The following SDAD1 variants were observed in gnomAD, a reference collection of about 807,000 sequenced individuals.
SDAD1 encodes the protein SDA1 domain containing 1.
In SDAD1, 79 loss-of-function variants were observed where a neutral mutation model predicts 100.3. The observed-to-expected ratio is 0.79, with a 90% CI of 0.66 to 0.95. SDAD1 has a LOEUF of 0.95. Ranked by LOEUF, SDAD1 falls within the 40% of genes least tolerant of loss-of-function variation. The pLI, the probability that SDAD1 is intolerant of heterozygous loss-of-function variation, is 0.00. For synonymous variants in SDAD1, 267 were observed against 271.4 expected, an observed-to-expected ratio of 0.98 and a Z score of 0.16; for missense variants, 790 against 810.9, an observed-to-expected ratio of 0.97 and a Z score of 0.31.
In SDAD1 at chr4:75,986,556, G is replaced by C. The variant is rs574329693; in HGVS notation, c.90+4196C>G. On this transcript the variant is annotated intron_variant, in intron 1 of 21. Coordinates refer to ENST00000356260, the MANE Select transcript of SDAD1 (RefSeq NM_018115.4). Reference sequence around the variant, plus strand: ...AAAAGCTATCAGGCCACCATCTAAGGCTAGCCCCTCCAGTTATGCATTAGA... The same window carrying C: ...AAAAGCTATCAGGCCACCATCTAAGCCTAGCCCCTCCAGTTATGCATTAGA... Among the ~76,000 whole-genome samples the C allele has an allele frequency of 2.6e-5, 4 of 152,090 alleles. No individual in the cohort carries two copies. The South Asian group carries it at 8.3e-4, about 32-fold the overall frequency.
At chr4:75,978,408 G>A (rs1044400539) in intron 3 of SDAD1, among the ~76,000 whole-genome samples, 1 of 149,712 alleles carries the variant, frequency 6.7e-6, no homozygotes, top group Non-Finnish European at 1.5e-5. Flanking sequence ...ATGTTGCCTA[G>A]GCTGGTTTCA....
chr4:75,980,152 C>T (rs1730415123), intron 3 of SDAD1, among the ~76,000 whole-genome samples: 1 of 152,156 alleles, frequency 6.6e-6, no homozygotes, highest in African/African-American at 2.4e-5. Flanking sequence ...AGTAACATGA[C>T]ATAGGTAAAA....
At position 75,950,466 on chromosome 4, in the gene SDAD1, T is replaced by A. The variant is rs946067546; in HGVS notation, c.*284A>T. ...CCTTGAGTGAAGGGGTTACAGCTCA[T>A]TCGTTTTGCATCTACAGTGACAATG... On this transcript the variant is annotated 3_prime_UTR_variant, in exon 22 of 22. Coordinates refer to ENST00000356260, the MANE Select transcript of SDAD1 (RefSeq NM_018115.4). The A allele has an allele frequency of 2.8e-5, 9 of 321,590 alleles. No individual in the cohort carries two copies. Among genetic ancestry groups the A allele is most frequent in the Non-Finnish European group, 5.3e-5 (9 of 168,500 alleles). 19.9% of individuals were successfully genotyped at this position (321,590 alleles called of 1,614,324 possible).
At chr4:75,972,552 C>A (rs1283115428) in intron 8 of SDAD1, among the ~76,000 whole-genome samples, 3 of 151,636 alleles carry the variant, frequency 2.0e-5, no homozygotes, top group African/African-American at 7.3e-5. Flanking sequence ...ATTTAGGTTG[C>A]CATTTACAAT....
Position 75,969,321 on chromosome 4 carries a change from A to G in SDAD1, c.962T>C (p.Ile321Thr), listed in dbSNP as rs1329942486. 3.7e-6 allele frequency: 6 copies of G among 1,613,182 alleles called. No homozygotes were observed. The highest frequency in any genetic ancestry group is 5.1e-6 in the Non-Finnish European group (6 of 1,179,428). ...FEVKMMLMNL[I>T]SRLVGIHELF... ...CTCATGAATTCCCACCAATCTGGAG[A>G]TAAGGTTCATGAGCATCATCTTCAC... Residue 321 changes from isoleucine to threonine, a missense_variant, in exon 11 of 22, where the codon ATC (isoleucine) becomes ACC (threonine). By Grantham distance (89) the Ile-to-Thr change is moderately conservative. Coordinates refer to ENST00000356260, the MANE Select transcript of SDAD1 (RefSeq NM_018115.4).
At chr4:75,955,647 G>A (rs1181255432) in intron 21 of SDAD1, among the ~76,000 whole-genome samples, 1 of 152,222 alleles carries the variant, frequency 6.6e-6, no homozygotes, top group African/African-American at 2.4e-5. Flanking sequence ...TCAAATGTCA[G>A]AGAATTTTAG....
intron 14 of SDAD1, among the ~76,000 whole-genome samples, chr4:75,962,876 T>G (rs1018278839): frequency 1.3e-5 from 2 of 152,242 alleles, no homozygotes; most frequent in Non-Finnish European, 2.9e-5. Flanking sequence ...TCTTTTGCTG[T>G]GCAGAAGCTC....
chr4:75,968,256 G>A (rs1206740106), intron 11 of SDAD1, among the ~76,000 whole-genome samples: 1 of 152,200 alleles, frequency 6.6e-6, no homozygotes, highest in African/African-American at 2.4e-5. Flanking sequence ...CAGCCATGGA[G>A]AAAAAGCAAT....
intron 20 of SDAD1, 56 bp downstream of exon 20, chr4:75,957,269 A>G (rs2149308824): frequency 1.4e-6 from 2 of 1,452,676 alleles, no homozygotes; most frequent in Non-Finnish European, 1.9e-6. Context: ...GTTCTGGCTT[A>G]TGTTTCATTT....
chr4:75,963,090 C>T (rs1031650886), intron 14 of SDAD1, among the ~76,000 whole-genome samples: 2 of 152,148 alleles, frequency 1.3e-5, no homozygotes, highest in African/African-American at 4.8e-5. Context: ...GGAAGGGATC[C>T]AGTTTCAGCT....
At chr4:75,967,164 T>A in intron 12 of SDAD1, 113 bp downstream of exon 12, 2 of 944,540 alleles carry the variant, frequency 2.1e-6, no homozygotes, top group South Asian at 3.1e-5. Context: ...TCTCTTCACA[T>A]CTCTAATGTA....
chr4:75,978,982 GAAAAAAAAA>G (rs538009004), intron 3 of SDAD1, among the ~76,000 whole-genome samples: 1,021 of 38,078 alleles, frequency 0.027, 19 homozygotes, highest in African/African-American at 0.057. Flanking sequence ...CCCTGTCTCA[GAAAAAAAAA>G]AAAAAAAAAA....
At chr4:75,962,263 G>A (rs868106549) in intron 14 of SDAD1, among the ~76,000 whole-genome samples, 142 of 152,296 alleles carry the variant, frequency 9.3e-4, no homozygotes, top group African/African-American at 2.8e-3. Flanking sequence ...ATTCCATAGC[G>A]TATATGTGCC....
intron 3 of SDAD1, among the ~76,000 whole-genome samples, chr4:75,978,300 A>G (rs1319926117): frequency 7.5e-6 from 1 of 132,468 alleles, no homozygotes; most frequent in Non-Finnish European, 1.5e-5. Context: ...TGAACTCTTG[A>G]GCTCAAGTGA....
Position 75,961,073 on chromosome 4 carries a change from G to A in SDAD1, c.1311C>T (p.His437=), listed in dbSNP as rs1211231193. 9.3e-6 allele frequency: 15 copies of A among 1,613,912 alleles called. No individual in the cohort carries two copies. The highest frequency in any genetic ancestry group is 5.9e-6 in the Non-Finnish European group (7 of 1,179,946). ...NVMMSARTLI[H]LFRTLNPQML... is the part of the protein sequence containing the mutation. ...TCTGAGGATTCAGTGTTCGGAAGAGGTGAATCAAAGTTCTAGCAGACATCA... is the reference window on the plus strand; with the variant it reads ...TCTGAGGATTCAGTGTTCGGAAGAGATGAATCAAAGTTCTAGCAGACATCA... Residue 437 remains histidine, a synonymous_variant, in exon 16 of 22, where the codon CAC becomes CAT. Coordinates refer to ENST00000356260, the MANE Select transcript of SDAD1 (RefSeq NM_018115.4).
intron 7 of SDAD1, 24 bp from the exon 8 acceptor site, chr4:75,973,415 C>T (rs990214292): frequency 1.0e-5 from 16 of 1,545,220 alleles, no homozygotes; most frequent in African/African-American, 1.4e-5. Context: ...AGAAAAAAGT[C>T]AGCTACTTGA....
At chr4:75,981,279 GATAATT>G in intron 3 of SDAD1, 87 bp downstream of exon 3, 7 of 1,152,328 alleles carry the variant, frequency 6.1e-6, no homozygotes, top group African/African-American at 1.6e-5. Flanking sequence ...GTTTTCTGAA[GATAATT>G]AGCTTAGAGG....
chr4:75,981,212 G>A (rs989425558), intron 3 of SDAD1, among the ~76,000 whole-genome samples, 160 bp downstream of exon 3: 1 of 152,188 alleles, frequency 6.6e-6, no homozygotes, highest in African/African-American at 2.4e-5. Flanking sequence ...TTTACTCTAA[G>A]TATAAATGAG....
rs988199328 is a variant in SDAD1 at position 75,974,056 on chromosome 4, A to G, written c.636+20T>C. ...GACCATCCACAGACAGAGCTTACAC[A>G]CAGCCCTATAGGTGCTCACCTTGGT... On this transcript the variant is annotated intron_variant, in intron 7 of 21. Transcript: ENST00000356260. 1.2e-6 allele frequency: 2 copies of G among 1,608,684 alleles called. No homozygotes were observed. Among genetic ancestry groups the G allele is most frequent in the Admixed American group, 3.3e-5 (2 of 59,996 alleles).
Sources: gnomAD v4.1 joint callset for allele counts (sites outside exome capture counted in the v4.1 genomes callset) on GRCh38, gnomAD v4.1.1 for gene constraint, MANE v1.5 for transcripts, NCBI Gene and HGNC (gene_info 2026-07-23, HGNC 2026-07-21) for gene names.